SPRY1: variants seen among roughly 807,000 people sequenced by gnomAD.
SPRY1 encodes protein sprouty homolog 1.
Under a neutral mutation model 22.6 loss-of-function variants are expected in SPRY1, and 20 were observed. The ratio of observed to expected loss-of-function variants is 0.89; its 90% CI spans 0.62 to 1.29. The LOEUF is 1.29. SPRY1 is among the 50% of genes most tolerant of loss of function. The pLI is 0.00. For missense variants in SPRY1, 446 were observed against 387.7 expected (o/e 1.15, Z -1.26); for synonymous variants, 155 against 144.7 (o/e 1.07, Z -0.51).
At chr4:123,397,427 A>C (rs1298895026) in intron 1 of SPRY1, among the ~76,000 whole-genome samples, 184 bp from the exon 2 acceptor site, 1 of 152,182 alleles carries the variant, frequency 6.6e-6, no homozygotes, top group Non-Finnish European at 1.5e-5. Context: ...AACGTGCAGG[A>C]CTGCATGTTA....
rs771953975 is a variant in SPRY1 at position 123,401,873 on chromosome 4, A to C, written c.282A>C (p.Thr94=). The C allele has an allele frequency of 4.6e-5, 74 of 1,614,182 alleles. No homozygotes were observed. The East Asian group carries it at 1.6e-3, about 35-fold the overall frequency. ...NVNNNYEHRH[T]SHLGHAVLPS... Reference sequence around the variant, plus strand: ...ATAATAACTACGAGCACAGACACACAAGCCACCTGGGACATGCAGTACTCC... The same window carrying C: ...ATAATAACTACGAGCACAGACACACCAGCCACCTGGGACATGCAGTACTCC... Residue 94 remains threonine (T), a synonymous_variant, in exon 3 of 3, where the codon ACA becomes ACC. Coordinates refer to ENST00000651917, the MANE Select transcript of SPRY1 (RefSeq NM_001258038.2).
At chr4:123,397,433 T>C (rs1379276981) in intron 1 of SPRY1, among the ~76,000 whole-genome samples, 178 bp from the exon 2 acceptor site, 1 of 152,184 alleles carries the variant, frequency 6.6e-6, no homozygotes, top group South Asian at 2.1e-4. Context: ...CAGGACTGCA[T>C]GTTACTTTGG....
chr4:123,402,108 G>T lies in SPRY1; in HGVS notation c.517G>T (p.Asp173Tyr). 6.2e-7 allele frequency: 1 copy of T among 1,614,216 alleles called. No homozygotes were observed. Among genetic ancestry groups the T allele is most frequent in the Non-Finnish European group, 8.5e-7 (1 of 1,180,042 alleles). Residue 173 changes from aspartate (D) to tyrosine (Y), a missense_variant, in exon 3 of 3, where the codon GAC (aspartate) becomes TAC (tyrosine). Asp to Tyr is a radical substitution (Grantham distance 160). Transcript: ENST00000651917. ...VDDLKGSLKEDLTQHKFICEQ... is the reference protein window; with the variant it reads ...VDDLKGSLKEYLTQHKFICEQ... The stretch of plus-strand genomic sequence containing the variant: ...TGACTTGAAGGGTTCCTTGAAAGAG[G>T]ACCTGACACAGCACAAGTTCATTTG...
At chr4:123,399,171 G>A (rs1479463882) in intron 2 of SPRY1, among the ~76,000 whole-genome samples, 1 of 152,176 alleles carries the variant, frequency 6.6e-6, no homozygotes, top group Non-Finnish European at 1.5e-5. Context: ...GAGGTCAGGA[G>A]TTCGAGACCA....
Position 123,401,785 on chromosome 4 carries a change from C to T in SPRY1, c.194C>T (p.Pro65Leu), listed in dbSNP as rs1370855364. The stretch of plus-strand genomic sequence containing the variant: ...CCTTCGGTGGTGAAAAGACCTGCTC[C>T]TCGGACAGCACCAAGACAAGAAAAG... ...EGPSVVKRPA[P>L]RTAPRQEKHE... is the part of the protein sequence containing the mutation. Residue 65 changes from proline to leucine, a missense_variant, in exon 3 of 3, where the codon CCT becomes CTT. Pro to Leu is a moderately conservative substitution (Grantham distance 98, BLOSUM62 -3). Transcript: ENST00000651917. The T allele has an allele frequency of 1.2e-6, 2 of 1,614,062 alleles. No individual in the cohort carries two copies. Among genetic ancestry groups the T allele is most frequent in the Admixed American group, 3.3e-5 (2 of 59,996 alleles).
chr4:123,402,772 C>T lies in SPRY1; in HGVS notation c.*221C>T. ...ACCTGGCTCCCACTTTCAACAAGAG[C>T]CTCTGCCATCCACTTGAGGGTATTG... On this transcript the variant is annotated 3_prime_UTR_variant, in exon 3 of 3. Coordinates refer to ENST00000651917, the MANE Select transcript of SPRY1 (RefSeq NM_001258038.2). 1 of 609,356 alleles carries T rather than the reference C, an allele frequency of 1.6e-6. No individual in the cohort carries two copies. Among genetic ancestry groups the T allele is most frequent in the Non-Finnish European group, 2.9e-6 (1 of 347,920 alleles). 37.7% of individuals were successfully genotyped at this position (609,356 alleles called of 1,614,324 possible).
Position 123,401,015 on chromosome 4 carries a change from A to T in SPRY1, c.-55-522A>T, listed in dbSNP as rs541345982. ...TATTATTTTGCGATTTCATTTTAAG[A>T]GTCTCAATTTTTTAATGCCTTAATT... is the stretch of plus-strand genomic sequence containing the variant. On this transcript the variant is annotated intron_variant, in intron 2 of 2. Transcript: ENST00000651917. Among the ~76,000 whole-genome samples the T allele has an allele frequency of 1.5e-3, 233 of 152,268 alleles. 1 individual carries two copies. The highest frequency in any genetic ancestry group is 2.7e-3 in the Admixed American group (42 of 15,300).
In SPRY1 at chr4:123,402,591, C is replaced by T. The variant is rs780877260; in HGVS notation, c.*40C>T. ...TTGTACCTCCTGAACTTTTAGCTTT[C>T]AAGTTGTGGCTGTTTTTTGTTTTTG... On this transcript the variant is annotated 3_prime_UTR_variant, in exon 3 of 3. Transcript: ENST00000651917. The T allele has an allele frequency of 1.3e-6, 2 of 1,544,426 alleles. No homozygotes were observed. Among genetic ancestry groups the T allele is most frequent in the Admixed American group, 4.4e-5 (2 of 45,470 alleles).
chr4:123,397,825 T>G lies in SPRY1; in HGVS notation c.-87T>G, dbSNP rs868513929. 6.5e-5 allele frequency: 5 copies of G among 76,642 alleles called. No homozygotes were observed. Among genetic ancestry groups the G allele is most frequent in the Admixed American group, 1.4e-4 (1 of 7,144 alleles). 4.7% of individuals were successfully genotyped at this position (76,642 alleles called of 1,614,324 possible). ...CCCCAAACCTCACTCTCTTCACTCC[T>G]CCCCGCTAAAAAAAAAAAAAAAAAG... On this transcript the variant is annotated 5_prime_UTR_variant, in exon 2 of 3. Coordinates refer to ENST00000651917, the MANE Select transcript of SPRY1 (RefSeq NM_001258038.2).
chr4:123,402,155 G>T lies in SPRY1; in HGVS notation c.564G>T (p.Lys188Asn), dbSNP rs760600305. The T allele has an allele frequency of 1.2e-6, 2 of 1,614,242 alleles. No individual in the cohort carries two copies. Among genetic ancestry groups the T allele is most frequent in the Non-Finnish European group, 8.5e-7 (1 of 1,180,042 alleles). The change falls in exon 3 of 3, where the codon AAG (lysine) becomes AAT (asparagine). Residue 188 changes from lysine to asparagine, a missense_variant. By Grantham distance (94) the Lys-to-Asn change is moderately conservative (BLOSUM62 0). Coordinates refer to ENST00000651917, the MANE Select transcript of SPRY1 (RefSeq NM_001258038.2). ...TTTGTGAACAGTGTGGGAAGTGCAA[G>T]TGTGGAGAATGCACTGCTCCCAGGA... ...KFICEQCGKC[K>N]CGECTAPRTL...
chr4:123,398,263 G>C (rs1724993207), intron 2 of SPRY1: 1 of 152,122 alleles, frequency 6.6e-6, no homozygotes, highest in Non-Finnish European at 1.5e-5. Flanking sequence ...GCGAGCACCA[G>C]CCGTGACAGG....
chr4:123,402,404 C>CT lies in SPRY1; in HGVS notation c.814dup (p.Cys272LeufsTer6). On this transcript the variant is annotated frameshift_variant, in exon 3 of 3. Coordinates refer to ENST00000651917, the MANE Select transcript of SPRY1 (RefSeq NM_001258038.2). LOFTEE classifies it high-confidence loss of function. ...TGTCTTTATTTTTACCTTGCTTACT[C>CT]TGTTATCCTCCTGCTAAAGGATGCC... is the stretch of plus-strand genomic sequence containing the variant. 1 of 1,614,180 alleles carries CT rather than the reference C, an allele frequency of 6.2e-7. No homozygotes were observed. The highest frequency in any genetic ancestry group is 8.5e-7 in the Non-Finnish European group (1 of 1,180,040).
In SPRY1 at chr4:123,397,707, G is replaced by GC. The variant is rs918255352; in HGVS notation, c.-200dup. 1 of 152,010 alleles carries GC rather than the reference G, an allele frequency of 6.6e-6. No individual in the cohort carries two copies. Among genetic ancestry groups the GC allele is most frequent in the African/African-American group, 2.4e-5 (1 of 41,390 alleles). The allele number at this position is 152,010 out of a possible 1,614,324, so 9.4% of individuals were successfully genotyped here. On this transcript the variant is annotated 5_prime_UTR_variant, in exon 2 of 3. Transcript: ENST00000651917. ...GGACCGGAGTGCCCGGGGACGCTGT[G>GC]CCCCCACTTGCCCAACGTGCGGAAT...
chr4:123,402,604 TTTTTTGTTTTTG>T lies in SPRY1; in HGVS notation c.*70_*81del, dbSNP rs566242109. 2.3e-5 allele frequency: 36 copies of T among 1,534,676 alleles called. No individual in the cohort carries two copies. The highest frequency in any genetic ancestry group is 1.5e-4 in the African/African-American group (11 of 71,488). Reference sequence around the variant, plus strand: ...ACTTTTAGCTTTCAAGTTGTGGCTGTTTTTTGTTTTTGTTTTTGTTTTTGTTTTCTTTAGAAT... The same window carrying T: ...ACTTTTAGCTTTCAAGTTGTGGCTGTTTTTTGTTTTTGTTTTCTTTAGAAT... On this transcript the variant is annotated 3_prime_UTR_variant, in exon 3 of 3. Transcript: ENST00000651917.
chr4:123,398,212 CT>C (rs1401646431), intron 2 of SPRY1: 1 of 152,272 alleles, frequency 6.6e-6, no homozygotes, highest in African/African-American at 2.4e-5. Flanking sequence ...TGGAAAGGGG[CT>C]GCAGAAGACC....
chr4:123,399,689 A>G (rs1415975596), intron 2 of SPRY1: 2 of 152,234 alleles, frequency 1.3e-5, no homozygotes, highest in Admixed American at 1.3e-4. Flanking sequence ...TCCCGCGTGG[A>G]CGCTGAAGGC....
At position 123,402,031 on chromosome 4, in the gene SPRY1, G is replaced by A. The variant is rs764915721; in HGVS notation, c.440G>A (p.Gly147Asp). Residue 147 changes from glycine to aspartate, a missense_variant, in exon 3 of 3, where the codon GGT becomes GAT. Coordinates refer to ENST00000651917, the MANE Select transcript of SPRY1 (RefSeq NM_001258038.2). ...TCACCACCAACCAGACCAGTCCCTG[G>A]TCATAGGTCTGAAAGGGCAATCCGG... Reference protein sequence around the residue: ...GRSPPTRPVPGHRSERAIRTQ... With the variant: ...GRSPPTRPVPDHRSERAIRTQ... 5.6e-6 allele frequency: 9 copies of A among 1,614,050 alleles called. No homozygotes were observed. In the African/African-American group the frequency reaches 1.2e-4, roughly 22 times the overall value.
At position 123,401,468 on chromosome 4, in the gene SPRY1, T is replaced by TGGGG; in HGVS notation, c.-55-69_-55-68insGGGG. On this transcript the variant is annotated intron_variant, in intron 2 of 2. Transcript: ENST00000651917. ...TAGGCAATTTGTGATTTGACAGGATTCCCCCCCCCCAAAAAAAATGCTTCC... is the reference window on the plus strand; with the variant it reads ...TAGGCAATTTGTGATTTGACAGGATTGGGGCCCCCCCCCCAAAAAAAATGCTTCC... The TGGGG allele has an allele frequency of 8.0e-6, 8 of 1,003,390 alleles. No individual in the cohort carries two copies. The East Asian group carries it at 9.2e-5, about 12-fold the overall frequency. 62.2% of individuals were successfully genotyped at this position (1,003,390 alleles called of 1,614,324 possible).
chr4:123,399,553 TA>T (rs540713460), intron 2 of SPRY1: 6 of 152,322 alleles, frequency 3.9e-5, no homozygotes, highest in Non-Finnish European at 8.8e-5. Flanking sequence ...TCCACCGTGG[TA>T]ACTTGCAATG....
Sources: allele counts gnomAD v4.1 joint callset (sites outside exome capture counted in the v4.1 genomes callset), GRCh38; gene constraint gnomAD v4.1.1; transcripts MANE v1.5; gene names NCBI Gene and HGNC (gene_info 2026-07-23, HGNC 2026-07-21).